The following ZBTB20 variants were observed in gnomAD, a reference collection of about 807,000 sequenced individuals.
The protein encoded by ZBTB20 is zinc finger and BTB domain containing 20, also known as zinc finger and BTB domain-containing protein 20.
A neutral mutation model predicts 56.9 loss-of-function variants in ZBTB20; 9 were observed. The ratio of observed to expected loss-of-function variants is 0.16; its 90% CI spans 0.10 to 0.28. ZBTB20 has a LOEUF of 0.28. Among genes scored for constraint, ZBTB20 ranks in the 10% least tolerant of loss-of-function variants. ZBTB20 has a pLI of 1.00. For synonymous variants in ZBTB20, 417 were observed against 420.7 expected (o/e 0.99, Z 0.11); for missense variants, 655 against 1,003.0 (o/e 0.65, Z 4.69).
At chr3:114,380,017 C>T (rs1366014460) in intron 10 of ZBTB20, among the ~76,000 whole-genome samples, 200 bp downstream of exon 10, 1 of 152,176 alleles carries the variant, frequency 6.6e-6, no homozygotes, top group Non-Finnish European at 1.5e-5. Flanking sequence ...GGCCAAATGG[C>T]ATGTCACCTG....
At chr3:115,070,708 C>T (rs1228576699) in intron 2 of ZBTB20, among the ~76,000 whole-genome samples, 1 of 152,026 alleles carries the variant, frequency 6.6e-6, no homozygotes, top group African/African-American at 2.4e-5. Flanking sequence ...TAGGAGACTT[C>T]TTCACTGACA....
In ZBTB20 at chr3:114,595,426, C is replaced by A. The variant is rs182635572; in HGVS notation, c.-294-95035G>T. 2.0e-5 allele frequency among the ~76,000 whole-genome samples: 3 copies of A among 152,274 alleles called. No homozygotes were observed. The East Asian group carries it at 5.8e-4, about 29-fold the overall frequency. ...TTCGTTAGACATTTCTTTTCTCAGT[C>A]TCAACAAGTCACCTTAAAATCTATG... On this transcript the variant is annotated intron_variant, in intron 6 of 11. Coordinates refer to ENST00000675478, the MANE Select transcript of ZBTB20 (RefSeq NM_001348800.3).
intron 10 of ZBTB20, among the ~76,000 whole-genome samples, chr3:114,369,014 G>T (rs144499791): frequency 1.3e-5 from 2 of 152,198 alleles, no homozygotes; most frequent in African/African-American, 4.8e-5. Flanking sequence ...TTTAGAATTT[G>T]CATGTGTCTT....
chr3:114,673,079 T>C (rs1351671575), intron 6 of ZBTB20, among the ~76,000 whole-genome samples: 2 of 152,174 alleles, frequency 1.3e-5, no homozygotes, highest in Non-Finnish European at 2.9e-5. Flanking sequence ...GTGAAACTTA[T>C]CTGTAAATTG....
intron 6 of ZBTB20, among the ~76,000 whole-genome samples, chr3:114,505,454 G>A (rs72952544): frequency 6.6e-6 from 1 of 152,148 alleles, no homozygotes; most frequent in Non-Finnish European, 1.5e-5. Context: ...ACAGAGCTGA[G>A]GAATTTGGAT....
chr3:115,113,566 T>C (rs1560582526), intron 1 of ZBTB20, among the ~76,000 whole-genome samples: 1 of 152,230 alleles, frequency 6.6e-6, no homozygotes, highest in Non-Finnish European at 1.5e-5. Flanking sequence ...ACACTGGTTA[T>C]GCAAGTGCAG....
chr3:114,479,070 G>C (rs1267857872), intron 7 of ZBTB20, among the ~76,000 whole-genome samples: 4 of 150,012 alleles, frequency 2.7e-5, no homozygotes, highest in East Asian at 2.0e-4. Context: ...CTCTATTGGG[G>C]GGGGGCCACA....
chr3:114,794,667 C>G (rs372121987), intron 5 of ZBTB20, among the ~76,000 whole-genome samples: 1 of 152,042 alleles, frequency 6.6e-6, no homozygotes, highest in African/African-American at 2.4e-5. Flanking sequence ...TCCCTCTACT[C>G]TATTTCTTCT....
chr3:114,717,339 A>G (rs1327782604), intron 5 of ZBTB20, among the ~76,000 whole-genome samples: 1 of 152,300 alleles, frequency 6.6e-6, no homozygotes, highest in East Asian at 1.9e-4. Context: ...ATCAATAAAT[A>G]AGCAAACTGA....
At position 114,986,848 on chromosome 3, in the gene ZBTB20, T is replaced by C. The variant is rs145411509; in HGVS notation, c.-506-12432A>G. Among the ~76,000 whole-genome samples, 1,078 of 152,298 alleles carry C rather than the reference T, an allele frequency of 7.1e-3. 6 individuals are homozygous for C. Among genetic ancestry groups the C allele is most frequent in the Non-Finnish European group, 0.012 (825 of 68,004 alleles). ...AGATACATTACATATTAATTAGCAA[T>C]GTTATCATTTTCTATTCTCCATCTT... On this transcript the variant is annotated intron_variant, in intron 2 of 11. Coordinates refer to ENST00000675478, the MANE Select transcript of ZBTB20 (RefSeq NM_001348800.3).
At chr3:114,368,182 A>G (rs1366533151) in intron 10 of ZBTB20, among the ~76,000 whole-genome samples, 3 of 152,166 alleles carry the variant, frequency 2.0e-5, no homozygotes, top group Non-Finnish European at 4.4e-5. Flanking sequence ...TTTTATTCTC[A>G]TTATGCAATT....
intron 5 of ZBTB20, among the ~76,000 whole-genome samples, chr3:114,741,750 T>C (rs1255677534): frequency 6.7e-6 from 1 of 149,402 alleles, no homozygotes; most frequent in African/African-American, 2.5e-5. Flanking sequence ...GGCATGGTGG[T>C]GGGCACCTGT....
chr3:114,821,099 G>A (rs1040810284), intron 4 of ZBTB20, among the ~76,000 whole-genome samples: 3 of 152,090 alleles, frequency 2.0e-5, no homozygotes, highest in African/African-American at 7.2e-5. Flanking sequence ...AACAATGGAT[G>A]GAACTTGGAT....
chr3:114,900,572 A>T (rs1012721669), intron 3 of ZBTB20: 1 of 151,592 alleles, frequency 6.6e-6, no homozygotes, highest in African/African-American at 2.4e-5. Context: ...AGTGTATCAT[A>T]AGCACTAGCA....
Position 114,564,491 on chromosome 3 carries a change from C to G in ZBTB20, c.-294-64100G>C, listed in dbSNP as rs1270118921. ...AGCTGCACAGACATTTTTACATATA[C>G]CCTCATAATTTTTAAGGAGATTGTG... is the stretch of plus-strand genomic sequence containing the variant. On this transcript the variant is annotated intron_variant, in intron 6 of 11. Transcript: ENST00000675478. Among the ~76,000 whole-genome samples the G allele has an allele frequency of 1.3e-5, 2 of 151,930 alleles. 1 individual carries two copies. Among genetic ancestry groups the G allele is most frequent in the Non-Finnish European group, 2.9e-5 (2 of 68,008 alleles).
At chr3:114,946,536 G>T (rs1328661413) in intron 3 of ZBTB20, among the ~76,000 whole-genome samples, 1 of 145,252 alleles carries the variant, frequency 6.9e-6, no homozygotes, top group African/African-American at 2.8e-5. Flanking sequence ...ATGGAGTATT[G>T]TTACAGATGC....
intron 7 of ZBTB20, among the ~76,000 whole-genome samples, chr3:114,441,614 C>T (rs575503185): frequency 1.6e-4 from 24 of 152,164 alleles, no homozygotes; most frequent in Middle Eastern, 3.4e-3. Context: ...TTGGGGACGA[C>T]GCGCGGTGGA....
chr3:115,066,446 A>G (rs754927257), intron 2 of ZBTB20, among the ~76,000 whole-genome samples: 6 of 152,070 alleles, frequency 3.9e-5, no homozygotes, highest in Non-Finnish European at 8.8e-5. Flanking sequence ...TAGGTTCCTC[A>G]TAGCTTCACA....
intron 6 of ZBTB20, among the ~76,000 whole-genome samples, chr3:114,604,023 T>C (rs1198202207): frequency 1.4e-4 from 22 of 152,084 alleles, no homozygotes; most frequent in Non-Finnish European, 3.2e-4. Context: ...TATAACCCTT[T>C]GATCAATAAT....
Sources: allele counts gnomAD v4.1 joint callset (sites outside exome capture counted in the v4.1 genomes callset), GRCh38; gene constraint gnomAD v4.1.1; transcripts MANE v1.5; gene names NCBI Gene and HGNC (gene_info 2026-07-23, HGNC 2026-07-21).